DDX60L: variants seen among roughly 807,000 people sequenced by gnomAD.
DDX60L encodes the protein DExD/H-box 60 like.
DDX60L carries 191 observed loss-of-function variants against 211.6 expected under a neutral mutation model. The observed-to-expected ratio is 0.90, with a 90% CI of 0.80 to 1.02. DDX60L has a LOEUF of 1.02. Ranked by LOEUF, DDX60L falls within the 50% of genes least tolerant of loss-of-function variation. DDX60L has a pLI of 0.00. For missense variants in DDX60L, 2,007 were observed against 1,984.1 expected (o/e 1.01, Z -0.22); for synonymous variants, 706 against 694.1 (o/e 1.02, Z -0.27).
At chr4:168,445,470 T>C (rs1754629332) in intron 9 of DDX60L, among the ~76,000 whole-genome samples, 1 of 152,088 alleles carries the variant, frequency 6.6e-6, no homozygotes, top group Non-Finnish European at 1.5e-5. Context: ...ACTGGTACCA[T>C]TCCTTCTGAA....
At position 168,384,753 on chromosome 4, in the gene DDX60L, A is replaced by G; in HGVS notation, c.3975T>C (p.Asp1325=). 1 of 1,613,780 alleles carries G rather than the reference A, an allele frequency of 6.2e-7. No homozygotes were observed. Among genetic ancestry groups the G allele is most frequent in the Non-Finnish European group, 8.5e-7 (1 of 1,179,870 alleles). ...GTCTTTTTATTTTGGGCAATGGGAT[A>G]TCAAAGAAATACACATTTCCAAGCA... ...QDLLGNVYFF[D]IPLPKIKRLL... Residue 1325 remains aspartate (D), a synonymous_variant, in exon 30 of 38, where the codon GAT becomes GAC. Transcript: ENST00000682922.
chr4:168,385,295 T>C (rs1225075334), intron 29 of DDX60L, among the ~76,000 whole-genome samples: 3 of 152,192 alleles, frequency 2.0e-5, no homozygotes, highest in Non-Finnish European at 4.4e-5. Context: ...CTAAAGGGAC[T>C]GTCTCAAAGA....
chr4:168,471,631 G>C lies in DDX60L; in HGVS notation c.264+116C>G, dbSNP rs574873615. ...GGGTAATTTTTTCTTTTGTTAACCT[G>C]TCTTTTTATATTTTCTATGATGACA... On this transcript the variant is annotated intron_variant, in intron 4 of 37. Coordinates refer to ENST00000682922, the MANE Select transcript of DDX60L (RefSeq NM_001012967.3). The C allele has an allele frequency of 1.1e-4, 89 of 799,222 alleles. 1 individual carries two copies. In the South Asian group the frequency reaches 2.3e-3, roughly 21 times the overall value. 49.5% of individuals were successfully genotyped at this position (799,222 alleles called of 1,614,324 possible).
chr4:168,405,529 GAAATT>G (rs1747600160), intron 24 of DDX60L, among the ~76,000 whole-genome samples: 1 of 152,190 alleles, frequency 6.6e-6, no homozygotes, highest in Admixed American at 6.5e-5. Context: ...ATGAGTTTCA[GAAATT>G]GGTTATTTTT....
intron 10 of DDX60L, among the ~76,000 whole-genome samples, chr4:168,437,126 G>T (rs1473373187): frequency 2.0e-5 from 3 of 152,176 alleles, no homozygotes; most frequent in African/African-American, 7.2e-5. Context: ...AAGGAACAAA[G>T]GATTGGACTG....
At chr4:168,378,236 C>A in intron 33 of DDX60L, 118 bp downstream of exon 33, 1 of 534,002 alleles carries the variant, frequency 1.9e-6, no homozygotes, top group Non-Finnish European at 3.1e-6. Context: ...AAAGACAACA[C>A]TATTAAAACA....
rs1396712239 is a variant in DDX60L, at chr4:168,375,537, T to G, written c.4486-13A>C. On this transcript the variant is annotated splice_polypyrimidine_tract_variant and intron_variant, in intron 33 of 37. Transcript: ENST00000682922. ...CGGCAAGGATCACCTATGGGCGAAA[T>G]ACATTTCAGAAAGATCTCTTTACTT... 6.4e-7 allele frequency: 1 copy of G among 1,574,210 alleles called. No individual in the cohort carries two copies. The highest frequency in any genetic ancestry group is 8.6e-7 in the Non-Finnish European group (1 of 1,163,734).
intron 4 of DDX60L, among the ~76,000 whole-genome samples, chr4:168,467,842 C>T (rs578178171): frequency 6.6e-6 from 1 of 152,088 alleles, no homozygotes; most frequent in African/African-American, 2.4e-5. Context: ...TCGGCATGAT[C>T]CTGATACCAA....
rs967269017 is a variant in DDX60L, at chr4:168,475,828, G to A, written c.-110-3019C>T. On this transcript the variant is annotated intron_variant, in intron 1 of 37. Coordinates refer to ENST00000682922, the MANE Select transcript of DDX60L (RefSeq NM_001012967.3). ...AGGCTATAAGGATAGGGTCCTTATCGGATAGGACTGGTGTCTTCTTAAGAA... is the reference window on the plus strand; with the variant it reads ...AGGCTATAAGGATAGGGTCCTTATCAGATAGGACTGGTGTCTTCTTAAGAA... 5.3e-5 allele frequency among the ~76,000 whole-genome samples: 8 copies of A among 152,100 alleles called. No individual in the cohort carries two copies. The South Asian group carries it at 1.0e-3, about 20-fold the overall frequency.
At chr4:168,416,522 C>A (rs1050999906) in intron 20 of DDX60L, among the ~76,000 whole-genome samples, 160 bp downstream of exon 20, 10 of 152,156 alleles carry the variant, frequency 6.6e-5, no homozygotes, top group Non-Finnish European at 1.2e-4. Context: ...AGTTTAAGGC[C>A]AGCCTGGGCA....
At position 168,375,477 on chromosome 4, in the gene DDX60L, C is replaced by T. The variant is rs1046724139; in HGVS notation, c.4533G>A (p.Glu1511=). 6.2e-7 allele frequency: 1 copy of T among 1,613,044 alleles called. No individual in the cohort carries two copies. Among genetic ancestry groups the T allele is most frequent in the Admixed American group, 1.7e-5 (1 of 59,860 alleles). The change falls in exon 34 of 38, where the codon GAG becomes GAA. Residue 1511 remains glutamate, a synonymous_variant. Coordinates refer to ENST00000682922, the MANE Select transcript of DDX60L (RefSeq NM_001012967.3). ...LPEDFKAALY[E]YNLAVMKDFA... is the part of the protein sequence containing the mutation. Reference sequence around the variant, plus strand: ...AATCCTTCATTACTGCCAGGTTATACTCATATAAAGCAGCTTTAAAATCCT... The same window carrying T: ...AATCCTTCATTACTGCCAGGTTATATTCATATAAAGCAGCTTTAAAATCCT...
intron 24 of DDX60L, among the ~76,000 whole-genome samples, chr4:168,404,749 G>GA (rs1163661729): frequency 6.6e-6 from 1 of 151,700 alleles, no homozygotes; most frequent in Non-Finnish European, 1.5e-5. Flanking sequence ...TTTTTAATCA[G>GA]AAAAAATAAA....
rs1273003122 is a variant in DDX60L, at chr4:168,421,880, AT to A, written c.2273del (p.Asn758MetfsTer5). ...TTGGGGCAACAATCACTGCTGACTC[AT>A]TCTTATCTACCACATCCAGGAGTTC... ...QQELLDVVDKNESAVIVAPTS... is the reference protein window; with the variant it reads ...QQELLDVVDKXESAVIVAPTS... On this transcript the variant is annotated frameshift_variant, in exon 17 of 38. Transcript: ENST00000682922. LOFTEE classifies it high-confidence loss of function. 1.2e-6 allele frequency: 2 copies of A among 1,614,062 alleles called. No homozygotes were observed. The highest frequency in any genetic ancestry group is 1.7e-6 in the Non-Finnish European group (2 of 1,180,024).
At position 168,457,874 on chromosome 4, in the gene DDX60L, A is replaced by T. The variant is rs1259404448; in HGVS notation, c.723+18T>A. ...AATTCTATCAAACTTTTATTTAAAG[A>T]AATAAAAATTTTAATACCTCTTCCA... On this transcript the variant is annotated intron_variant, in intron 6 of 37. Transcript: ENST00000682922. 7.0e-7 allele frequency: 1 copy of T among 1,428,446 alleles called. No homozygotes were observed. The allele number at this position is 1,428,446 out of a possible 1,614,324, so 88.5% of individuals were successfully genotyped here.
intron 22 of DDX60L, 100 bp from the exon 23 acceptor site, chr4:168,406,806 T>G (rs1747824844): frequency 3.5e-6 from 3 of 858,784 alleles, no homozygotes. Flanking sequence ...AGTCTTTACC[T>G]GTGAATCCAG....
chr4:168,384,520 T>C (rs1743510660), intron 30 of DDX60L, 92 bp downstream of exon 30: 2 of 1,493,166 alleles, frequency 1.3e-6, no homozygotes, highest in Non-Finnish European at 9.2e-7. Context: ...GTTTATTTTC[T>C]TTCTCAAGAC....
intron 22 of DDX60L, among the ~76,000 whole-genome samples, chr4:168,412,945 C>A (rs1748940727): frequency 6.6e-6 from 1 of 152,252 alleles, no homozygotes; most frequent in Non-Finnish European, 1.5e-5. Context: ...TATGAGACTG[C>A]AAGAGCCACA....
chr4:168,393,978 A>G (rs1745312719), intron 28 of DDX60L, among the ~76,000 whole-genome samples: 1 of 152,282 alleles, frequency 6.6e-6, no homozygotes, highest in South Asian at 2.1e-4. Flanking sequence ...GTGGATCATG[A>G]GGTCAGGAGT....
intron 4 of DDX60L, among the ~76,000 whole-genome samples, chr4:168,465,763 G>A (rs552331888): frequency 5.9e-5 from 9 of 152,052 alleles, no homozygotes; most frequent in Non-Finnish European, 7.4e-5. Context: ...CCTTTCCCCA[G>A]TGAACGTTCT....
Sources: allele counts gnomAD v4.1 joint callset (sites outside exome capture counted in the v4.1 genomes callset), GRCh38; gene constraint gnomAD v4.1.1; transcripts MANE v1.5; gene names NCBI Gene and HGNC (gene_info 2026-07-23, HGNC 2026-07-21).